SLC12A6: variants seen among roughly 807,000 people sequenced by gnomAD.
The protein encoded by SLC12A6 is K-Cl cotransporter 3.
In SLC12A6, 66 loss-of-function variants were observed where a neutral mutation model predicts 135.3. That is an observed-to-expected ratio of 0.49 (90% CI 0.40 to 0.60). SLC12A6 has a LOEUF of 0.60. SLC12A6 is among the 20% of genes least tolerant of loss of function. The pLI is 0.00. For missense variants in SLC12A6, 1,058 were observed against 1,452.3 expected, an observed-to-expected ratio of 0.73 and a Z score of 4.41; for synonymous variants, 513 against 508.8, an observed-to-expected ratio of 1.01 and a Z score of -0.11.
intron 6 of SLC12A6, 121 bp from the exon 7 acceptor site, chr15:34,256,404 G>T: frequency 1.4e-6 from 1 of 720,656 alleles, no homozygotes. Context: ...TTTATGGACA[G>T]TCATACCTAA....
intron 2 of SLC12A6, among the ~76,000 whole-genome samples, chr15:34,277,663 C>T (rs1165670140): frequency 6.6e-6 from 1 of 152,128 alleles, no homozygotes; most frequent in East Asian, 1.9e-4. Context: ...TCTAAACCTA[C>T]TCCAGTGACT....
At chr15:34,325,134 A>G (rs1889379310) in intron 2 of SLC12A6, among the ~76,000 whole-genome samples, 1 of 152,150 alleles carries the variant, frequency 6.6e-6, no homozygotes, top group African/African-American at 2.4e-5. Context: ...TGCTATAAAC[A>G]TCTTACAGGA....
rs187444125 is a variant in SLC12A6, at chr15:34,238,874, T to C, written c.2632+91A>G. The C allele has an allele frequency of 5.1e-4, 577 of 1,122,864 alleles. 1 individual carries two copies. Among genetic ancestry groups the C allele is most frequent in the Admixed American group, 2.7e-4 (16 of 59,444 alleles). 69.6% of individuals were successfully genotyped at this position (1,122,864 alleles called of 1,614,324 possible). On this transcript the variant is annotated intron_variant, in intron 20 of 25. Transcript: ENST00000354181. ...ATAAGACTATGCTTCAGCAATGGCA[T>C]AGTCTCTACTTTAGGAGGCTGGGGG...
chr15:34,274,468 AGG>A (rs996511085), intron 3 of SLC12A6, among the ~76,000 whole-genome samples: 2 of 152,158 alleles, frequency 1.3e-5, no homozygotes, highest in African/African-American at 4.8e-5. Context: ...ATGCCTCATC[AGG>A]GTATGTTTCT....
At chr15:34,286,752 C>T (rs946671549) in intron 2 of SLC12A6, among the ~76,000 whole-genome samples, 3 of 152,128 alleles carry the variant, frequency 2.0e-5, no homozygotes, top group African/African-American at 4.8e-5. Context: ...GCCAAGATTG[C>T]GCCACTGCAT....
chr15:34,253,125 T>C (rs751617322), intron 9 of SLC12A6, among the ~76,000 whole-genome samples: 1 of 152,206 alleles, frequency 6.6e-6, no homozygotes, highest in Non-Finnish European at 1.5e-5. Context: ...ATAGTTAAAA[T>C]ACCTCTCAGG....
chr15:34,267,920 T>C (rs926315166), intron 3 of SLC12A6, among the ~76,000 whole-genome samples: 2 of 152,214 alleles, frequency 1.3e-5, no homozygotes, highest in Middle Eastern at 3.4e-3. Context: ...TTTATATCTA[T>C]ATATATTTTT....
Position 34,267,176 on chromosome 15 carries a change from T to C in SLC12A6, c.317-6156A>G, listed in dbSNP as rs975526479. Among the ~76,000 whole-genome samples the C allele has an allele frequency of 8.6e-5, 13 of 151,866 alleles. 1 individual carries two copies. The highest frequency in any genetic ancestry group is 3.1e-4 in the African/African-American group (13 of 41,344). The stretch of plus-strand genomic sequence containing the variant: ...CACGAAGACTTTCTAATACTTCAAT[T>C]CCAATTTTCTCCTCCTGACTTACCT... On this transcript the variant is annotated intron_variant, in intron 3 of 25. Coordinates refer to ENST00000354181, the MANE Select transcript of SLC12A6 (RefSeq NM_001365088.1).
At chr15:34,303,044 T>C (rs1896367615) in intron 2 of SLC12A6, among the ~76,000 whole-genome samples, 1 of 151,918 alleles carries the variant, frequency 6.6e-6, no homozygotes, top group African/African-American at 2.4e-5. Context: ...TGGAAACATA[T>C]TTCACATTTT....
chr15:34,284,818 C>T (rs746024875), intron 2 of SLC12A6, among the ~76,000 whole-genome samples: 1 of 152,124 alleles, frequency 6.6e-6, no homozygotes, highest in Non-Finnish European at 1.5e-5. Context: ...GGTTTGTGTG[C>T]ACACTTAGAT....
chr15:34,310,974 G>C (rs1336492938), intron 2 of SLC12A6, among the ~76,000 whole-genome samples: 1 of 152,012 alleles, frequency 6.6e-6, no homozygotes, highest in Non-Finnish European at 1.5e-5. Flanking sequence ...TTAGTTAATA[G>C]TCTAACATCC....
chr15:34,295,256 A>T (rs1203077978), intron 2 of SLC12A6, among the ~76,000 whole-genome samples: 3 of 152,202 alleles, frequency 2.0e-5, no homozygotes, highest in Non-Finnish European at 4.4e-5. Flanking sequence ...CGCAGACATG[A>T]GGCAGAGTGA....
chr15:34,326,940 T>C (rs138012021), intron 2 of SLC12A6, among the ~76,000 whole-genome samples: 1,766 of 140,560 alleles, frequency 0.013, 13 homozygotes, highest in Middle Eastern at 0.041. Context: ...TCTTAATAAA[T>C]GTTTCAATAG....
At chr15:34,327,432 C>T (rs888181736) in intron 2 of SLC12A6, among the ~76,000 whole-genome samples, 2 of 151,968 alleles carry the variant, frequency 1.3e-5, no homozygotes, top group South Asian at 2.1e-4. Context: ...TTTGGGAGGC[C>T]GAGGCAGACA....
chr15:34,329,038 A>G (rs1193043400), intron 2 of SLC12A6, among the ~76,000 whole-genome samples: 3 of 152,274 alleles, frequency 2.0e-5, no homozygotes, highest in Admixed American at 6.5e-5. Context: ...AAATGCTCAC[A>G]TAATTCCTAC....
intron 16 of SLC12A6, among the ~76,000 whole-genome samples, chr15:34,242,483 C>T (rs186132619): frequency 1.2e-4 from 19 of 152,214 alleles, no homozygotes; most frequent in African/African-American, 4.1e-4. Flanking sequence ...ATGAAACAGT[C>T]GGTAGATGTG....
chr15:34,328,884 G>A (rs1458407345), intron 2 of SLC12A6, among the ~76,000 whole-genome samples: 1 of 152,186 alleles, frequency 6.6e-6, no homozygotes, highest in Non-Finnish European at 1.5e-5. Context: ...CTGGGTAACA[G>A]AGCTAGACCC....
intron 13 of SLC12A6, among the ~76,000 whole-genome samples, chr15:34,247,901 G>C (rs1017493481): frequency 6.6e-6 from 1 of 152,038 alleles, no homozygotes; most frequent in Non-Finnish European, 1.5e-5. Flanking sequence ...ACAAAGTCTT[G>C]CTATGTTGCC....
At chr15:34,310,592 T>TGTG (rs1359951139) in intron 2 of SLC12A6, among the ~76,000 whole-genome samples, 2 of 80,682 alleles carry the variant, frequency 2.5e-5, no homozygotes, top group South Asian at 5.1e-4. Context: ...TGTGTGTGTG[T>TGTG]CCCCGTGTCC....
Sources: allele counts gnomAD v4.1 joint callset (sites outside exome capture counted in the v4.1 genomes callset), GRCh38; gene constraint gnomAD v4.1.1; transcripts MANE v1.5; gene names NCBI Gene and HGNC (gene_info 2026-07-23, HGNC 2026-07-21).